Variants in CDH12 observed in about 807,000 individuals in gnomAD.
CDH12 encodes the protein cadherin-12.
Under a neutral mutation model 74.1 loss-of-function variants are expected in CDH12, and 41 were observed. The ratio of observed to expected loss-of-function variants is 0.55; its 90% CI spans 0.43 to 0.72. CDH12 has a LOEUF of 0.72. Among genes scored for constraint, CDH12 ranks in the 30% least tolerant of loss-of-function variants. The probability of loss-of-function intolerance (pLI) is 0.00; values close to 1 mark genes in which losing one functional copy is unlikely to be tolerated. For missense variants in CDH12, 945 were observed against 977.2 expected (o/e 0.97, Z 0.44); for synonymous variants, 399 against 355.0 (o/e 1.12, Z -1.39).
At chr5:21,833,501 T>A (rs1262969367) in intron 8 of CDH12, among the ~76,000 whole-genome samples, 1 of 121,840 alleles carries the variant, frequency 8.2e-6, no homozygotes, top group Non-Finnish European at 1.6e-5. Context: ...ATATGTAATA[T>A]ATAATATATG....
At chr5:22,332,106 T>C (rs1229156217) in intron 3 of CDH12, among the ~76,000 whole-genome samples, 2 of 152,034 alleles carry the variant, frequency 1.3e-5, no homozygotes, top group East Asian at 3.9e-4. Context: ...CAAAAGATAA[T>C]AACGGAGAAC....
At chr5:22,598,577 G>A (rs1292740063) in intron 1 of CDH12, among the ~76,000 whole-genome samples, 1 of 152,044 alleles carries the variant, frequency 6.6e-6, no homozygotes, top group Non-Finnish European at 1.5e-5. Context: ...CTTCATAGCA[G>A]CATGATAACA....
chr5:22,199,537 C>A (rs1448623368), intron 4 of CDH12, among the ~76,000 whole-genome samples: 8 of 152,206 alleles, frequency 5.3e-5, no homozygotes, highest in Non-Finnish European at 8.8e-5. Flanking sequence ...CTGCTTACCT[C>A]TGGGCTGAGT....
chr5:21,995,097 C>T (rs1333592105), intron 5 of CDH12, among the ~76,000 whole-genome samples: 1 of 152,096 alleles, frequency 6.6e-6, no homozygotes, highest in Non-Finnish European at 1.5e-5. Flanking sequence ...AGAAGGAAGA[C>T]ACTCCAGACA....
intron 1 of CDH12, among the ~76,000 whole-genome samples, chr5:22,628,510 A>G (rs1268730618): frequency 1.3e-5 from 2 of 152,182 alleles, no homozygotes; most frequent in East Asian, 3.8e-4. Flanking sequence ...TGCATAAACA[A>G]TGAAATTAAG....
intron 1 of CDH12, among the ~76,000 whole-genome samples, chr5:22,526,689 G>A (rs1737300129): frequency 6.6e-6 from 1 of 152,130 alleles, no homozygotes; most frequent in East Asian, 1.9e-4. Flanking sequence ...AGTTGAATTA[G>A]GATATGGTGG....
chr5:22,337,425 T>C (rs1194806819), intron 3 of CDH12, among the ~76,000 whole-genome samples: 1 of 152,198 alleles, frequency 6.6e-6, no homozygotes, highest in Non-Finnish European at 1.5e-5. Context: ...AATCTCATCT[T>C]ATAGCTCCCG....
At chr5:22,304,652 T>G (rs956096986) in intron 3 of CDH12, among the ~76,000 whole-genome samples, 1 of 152,328 alleles carries the variant, frequency 6.6e-6, no homozygotes, top group African/African-American at 2.4e-5. Flanking sequence ...GAATAATCAC[T>G]AACTGTTTTC....
At chr5:22,155,289 C>T (rs544876502) in intron 4 of CDH12, among the ~76,000 whole-genome samples, 64 of 152,024 alleles carry the variant, frequency 4.2e-4, no homozygotes, top group Non-Finnish European at 6.9e-4. Flanking sequence ...TATGTAGAAG[C>T]GAAACTATTG....
chr5:22,291,730 G>T (rs531518056), intron 3 of CDH12, among the ~76,000 whole-genome samples: 87 of 152,190 alleles, frequency 5.7e-4, no homozygotes, highest in Non-Finnish European at 9.3e-4. Flanking sequence ...CAAATGTCTT[G>T]TGTTCATGGA....
chr5:21,910,392 G>A (rs1196178473), intron 6 of CDH12, among the ~76,000 whole-genome samples: 1 of 152,102 alleles, frequency 6.6e-6, no homozygotes, highest in African/African-American at 2.4e-5. Context: ...TCATTTCTTA[G>A]ACAGTGACGC....
intron 5 of CDH12, 26 bp downstream of exon 5, chr5:22,078,420 G>A (rs368207059): frequency 7.8e-5 from 125 of 1,600,334 alleles, no homozygotes; most frequent in East Asian, 2.7e-4. Flanking sequence ...CCTATCAAGC[G>A]GTTGTCAAAA....
chr5:21,757,179 T>G (rs552147767), intron 13 of CDH12, among the ~76,000 whole-genome samples: 1 of 152,172 alleles, frequency 6.6e-6, no homozygotes, highest in East Asian at 1.9e-4. Context: ...TATTTTCAAT[T>G]TATTTATTTA....
chr5:21,842,357 TA>T, intron 7 of CDH12, 29 bp from the exon 8 acceptor site: 1 of 1,469,828 alleles, frequency 6.8e-7, no homozygotes, highest in Non-Finnish European at 9.3e-7. Context: ...TAATGTAAAA[TA>T]AATATCACAA....
At chr5:21,925,625 A>T (rs1754550656) in intron 6 of CDH12, among the ~76,000 whole-genome samples, 2 of 152,166 alleles carry the variant, frequency 1.3e-5, no homozygotes, top group Admixed American at 1.3e-4. Context: ...CATTGTAACT[A>T]ATTTGGTTAT....
chr5:21,998,973 A>G (rs1268260741), intron 5 of CDH12, among the ~76,000 whole-genome samples: 1 of 152,220 alleles, frequency 6.6e-6, no homozygotes, highest in Non-Finnish European at 1.5e-5. Context: ...CCACAAATGA[A>G]AGTATTTCAT....
chr5:22,529,186 T>TAGAGAGAG (rs1468255213), intron 1 of CDH12, among the ~76,000 whole-genome samples: 3 of 69,514 alleles, frequency 4.3e-5, no homozygotes, highest in South Asian at 5.5e-4. Context: ...TATATATATA[T>TAGAGAGAG]ATAGAGAGAG....
chr5:22,346,903 A>G (rs1018016176), intron 3 of CDH12, among the ~76,000 whole-genome samples: 3 of 152,220 alleles, frequency 2.0e-5, no homozygotes, highest in East Asian at 3.9e-4. Flanking sequence ...AAGAAAAGAA[A>G]AAAACCTAGA....
At chr5:22,460,841 C>A (rs930292231) in intron 2 of CDH12, among the ~76,000 whole-genome samples, 5 of 145,562 alleles carry the variant, frequency 3.4e-5, no homozygotes, top group African/African-American at 1.0e-4. Context: ...CTGCCTTGAT[C>A]CCCCGAGTAG....
Sources: allele counts gnomAD v4.1 joint callset (sites outside exome capture counted in the v4.1 genomes callset), GRCh38; gene constraint gnomAD v4.1.1; transcripts MANE v1.5; gene names NCBI Gene and HGNC (gene_info 2026-07-23, HGNC 2026-07-21).